CPVL: variants seen among roughly 807,000 people sequenced by gnomAD.
The protein encoded by CPVL is probable serine carboxypeptidase CPVL.
Under a neutral mutation model 63.7 loss-of-function variants are expected in CPVL, and 51 were observed. The observed-to-expected ratio is 0.80, with a 90% CI of 0.64 to 1.01. The LOEUF (loss-of-function observed/expected upper bound fraction) is 1.01, where lower values mean the gene tolerates loss of function less well. Among genes scored for constraint, CPVL ranks in the 50% least tolerant of loss-of-function variants. The probability of loss-of-function intolerance (pLI) is 0.00; values close to 1 mark genes in which losing one functional copy is unlikely to be tolerated. For synonymous variants in CPVL, 195 were observed against 206.0 expected (o/e 0.95, Z 0.46); for missense variants, 530 against 573.1 (o/e 0.92, Z 0.77).
chr7:29,021,187 AG>A lies in CPVL; in HGVS notation c.1320+9389del, dbSNP rs751851353. 1.4e-3 allele frequency among the ~76,000 whole-genome samples: 210 copies of A among 152,276 alleles called. 1 individual carries two copies. The highest frequency in any genetic ancestry group is 2.5e-3 in the Non-Finnish European group (173 of 68,026). On this transcript the variant is annotated intron_variant, in intron 12 of 12. Coordinates refer to ENST00000265394, the MANE Select transcript of CPVL (RefSeq NM_031311.5). ...GAAAAAAAAAAAGATGATGTTATAA[AG>A]CAACTTTATGTCAATGAATCTGAAA... is the stretch of plus-strand genomic sequence containing the variant.
intron 6 of CPVL, among the ~76,000 whole-genome samples, chr7:29,090,782 A>G (rs939076216): frequency 1.3e-5 from 2 of 152,234 alleles, no homozygotes; most frequent in African/African-American, 2.4e-5. Context: ...CTTGTTCGTG[A>G]AAAAGTTTTA....
At chr7:29,161,851 A>T (rs1314258683) in intron 5 of CPVL, among the ~76,000 whole-genome samples, 1 of 152,252 alleles carries the variant, frequency 6.6e-6, no homozygotes, top group Non-Finnish European at 1.5e-5. Flanking sequence ...TCTGATTTTT[A>T]AATGGGCCAA....
intron 11 of CPVL, among the ~76,000 whole-genome samples, chr7:29,053,918 A>G (rs867361459): frequency 1.4e-4 from 22 of 151,902 alleles, no homozygotes; most frequent in Admixed American, 3.3e-4. Flanking sequence ...AAGAAAAAAG[A>G]AAAAGAAAAG....
rs528397440 is a variant in CPVL, at chr7:29,103,307, G to A, written c.289-7090C>T. ...GTCGCCCATGCTGGAGTGCAATAGC[G>A]TGATCTCAGTTCACTGCAACCTCCA... On this transcript the variant is annotated intron_variant, in intron 3 of 12. Coordinates refer to ENST00000265394, the MANE Select transcript of CPVL (RefSeq NM_031311.5). Among the ~76,000 whole-genome samples, 9 of 148,326 alleles carry A rather than the reference G, an allele frequency of 6.1e-5. No homozygotes were observed. In the South Asian group the frequency reaches 6.4e-4, roughly 11 times the overall value.
intron 6 of CPVL, among the ~76,000 whole-genome samples, chr7:29,086,808 C>A: frequency 6.6e-6 from 1 of 152,182 alleles, no homozygotes; most frequent in Non-Finnish European, 1.5e-5. Flanking sequence ...TTTGGATCAT[C>A]TAACTGTTGA....
At chr7:29,015,782 G>C (rs73091915) in intron 12 of CPVL, among the ~76,000 whole-genome samples, 1 of 152,142 alleles carries the variant, frequency 6.6e-6, no homozygotes, top group Non-Finnish European at 1.5e-5. Flanking sequence ...GACACTGTGG[G>C]GTGGTGGAAA....
intron 12 of CPVL, among the ~76,000 whole-genome samples, chr7:29,003,824 G>A (rs1054589763): frequency 3.9e-5 from 6 of 152,042 alleles, no homozygotes; most frequent in Non-Finnish European, 7.4e-5. Flanking sequence ...CATGAGAAGC[G>A]CACAACTAGA....
chr7:29,192,202 C>T (rs763184052), intron 1 of CPVL: 1 of 152,318 alleles, frequency 6.6e-6, no homozygotes, highest in Non-Finnish European at 1.5e-5. Flanking sequence ...CTCTTCTGGC[C>T]CCAGGATCCA....
intron 1 of CPVL, chr7:29,194,619 C>T (rs1027477785): frequency 1.1e-5 from 3 of 278,002 alleles, no homozygotes; most frequent in Admixed American, 5.4e-5. Flanking sequence ...GCGTGGACGG[C>T]AGAGGGGCTC....
intron 3 of CPVL, among the ~76,000 whole-genome samples, chr7:29,109,497 T>A (rs1285716204): frequency 1.3e-5 from 2 of 152,196 alleles, no homozygotes; most frequent in Non-Finnish European, 2.9e-5. Flanking sequence ...GACCACTGCT[T>A]CTTCTTGTCA....
At chr7:29,114,555 A>G (rs567939602) in intron 2 of CPVL, among the ~76,000 whole-genome samples, 11 of 152,116 alleles carry the variant, frequency 7.2e-5, no homozygotes, top group Non-Finnish European at 1.6e-4. Flanking sequence ...ACTTGAGCCC[A>G]GGAGGTCAAG....
intron 5 of CPVL, among the ~76,000 whole-genome samples, chr7:29,165,986 A>G (rs1795856536): frequency 1.3e-5 from 2 of 152,122 alleles, no homozygotes; most frequent in South Asian, 2.1e-4. Context: ...TGGTTTTGGT[A>G]TCAAGGTAAT....
At chr7:29,072,193 G>C in intron 8 of CPVL, 108 bp downstream of exon 8, 1 of 1,235,794 alleles carries the variant, frequency 8.1e-7, no homozygotes, top group Non-Finnish European at 1.1e-6. Flanking sequence ...AAAGTCAACT[G>C]GTGTTTCCCT....
At chr7:29,031,746 T>C (rs1788040066) in intron 11 of CPVL, among the ~76,000 whole-genome samples, 1 of 152,108 alleles carries the variant, frequency 6.6e-6, no homozygotes, top group Non-Finnish European at 1.5e-5. Flanking sequence ...TATAATTGAG[T>C]AGGTAAATGC....
Position 28,995,439 on chromosome 7 carries a change from C to A in CPVL, c.*333G>T. On this transcript the variant is annotated 3_prime_UTR_variant, in exon 13 of 13. Transcript: ENST00000265394. ...AAAGATGTTACAGCTTTGTTTGTTA[C>A]AACTGCACTTTTCACTTACTCTTAG... The A allele has an allele frequency of 4.7e-6, 1 of 210,802 alleles. No homozygotes were observed. Among genetic ancestry groups the A allele is most frequent in the Non-Finnish European group, 9.3e-6 (1 of 107,720 alleles). 13.1% of individuals were successfully genotyped at this position (210,802 alleles called of 1,614,324 possible).
intron 5 of CPVL, among the ~76,000 whole-genome samples, chr7:29,180,317 A>G (rs931667214): frequency 3.9e-5 from 6 of 152,142 alleles, no homozygotes; most frequent in African/African-American, 1.4e-4. Context: ...CAAGGTCAGG[A>G]CAGATTGAGA....
At position 29,106,557 on chromosome 7, in the gene CPVL, A is replaced by G. The variant is rs531765270; in HGVS notation, c.288+6147T>C. Among the ~76,000 whole-genome samples, 15 of 152,264 alleles carry G rather than the reference A, an allele frequency of 9.9e-5. No individual in the cohort carries two copies. The South Asian group carries it at 3.1e-3, about 32-fold the overall frequency. ...GAAAGAGAAGACAAATTCCTCCTGC[A>G]ATGTCTCTCCAGCACCCTCTACTGA... On this transcript the variant is annotated intron_variant, in intron 3 of 12. Transcript: ENST00000265394.
chr7:29,046,057 A>G (rs1269999627), intron 11 of CPVL, among the ~76,000 whole-genome samples: 5 of 150,694 alleles, frequency 3.3e-5, no homozygotes, highest in South Asian at 2.1e-4. Context: ...ATGTAACTTT[A>G]TATTTACCAT....
At chr7:29,083,866 T>C (rs1481978428) in intron 7 of CPVL, among the ~76,000 whole-genome samples, 2 of 152,136 alleles carry the variant, frequency 1.3e-5, no homozygotes, top group African/African-American at 2.4e-5. Context: ...GATCCCACAC[T>C]GAGGTAGCTA....
Sources: allele counts gnomAD v4.1 joint callset (sites outside exome capture counted in the v4.1 genomes callset), GRCh38; gene constraint gnomAD v4.1.1; transcripts MANE v1.5; gene names NCBI Gene and HGNC (gene_info 2026-07-23, HGNC 2026-07-21).